The following FYCO1 variants were observed in gnomAD, a reference collection of about 807,000 sequenced individuals.
FYCO1 encodes the protein FYVE and coiled-coil domain autophagy adaptor 1.
FYCO1 carries 122 observed loss-of-function variants against 165.1 expected under a neutral mutation model. The ratio of observed to expected loss-of-function variants is 0.74; its 90% CI spans 0.64 to 0.86. The LOEUF (loss-of-function observed/expected upper bound fraction) is 0.86, where lower values mean the gene tolerates loss of function less well. Among genes scored for constraint, FYCO1 ranks in the 40% least tolerant of loss-of-function variants. The pLI is 0.00. For synonymous variants in FYCO1, 648 were observed against 742.5 expected, an observed-to-expected ratio of 0.87 and a Z score of 2.07; for missense variants, 1,702 against 1,810.3, an observed-to-expected ratio of 0.94 and a Z score of 1.09.
chr3:45,978,501 A>C (rs1270082352), intron 4 of FYCO1, among the ~76,000 whole-genome samples: 1 of 152,184 alleles, frequency 6.6e-6, no homozygotes, highest in Non-Finnish European at 1.5e-5. Flanking sequence ...TGATGTCAGC[A>C]TATCTAACAC....
Position 45,968,519 on chromosome 3 carries a change from TC to T in FYCO1, c.814del (p.Glu272SerfsTer24). ...ELRAAVSQQG[E>X]QLQTERERGR... ...CCTCTCCCTCTCTGTCTGCAGTTGCTCCCCTTGCTGGCTGACAGCTGCCCTC... is the reference window on the plus strand; with the variant it reads ...CCTCTCCCTCTCTGTCTGCAGTTGCTCCCTTGCTGGCTGACAGCTGCCCTC... On this transcript the variant is annotated frameshift_variant, in exon 8 of 18. Coordinates refer to ENST00000296137, the MANE Select transcript of FYCO1 (RefSeq NM_024513.4). LOFTEE classifies it high-confidence loss of function. 6.2e-7 allele frequency: 1 copy of T among 1,613,990 alleles called. No homozygotes were observed. Among genetic ancestry groups the T allele is most frequent in the Non-Finnish European group, 8.5e-7 (1 of 1,180,028 alleles).
At position 45,966,583 on chromosome 3, in the gene FYCO1, C is replaced by T; in HGVS notation, c.2751G>A (p.Val917=). 1 of 1,614,220 alleles carries T rather than the reference C, an allele frequency of 6.2e-7. No homozygotes were observed. The highest frequency in any genetic ancestry group is 8.5e-7 in the Non-Finnish European group (1 of 1,180,050). Residue 917 remains valine, a synonymous_variant, in exon 8 of 18, where the codon GTG becomes GTA. Transcript: ENST00000296137. ...ELGIQVCALT[V]EKERVEEALA... ...GTGCCTCCTCCACTCGCTCCTTTTC[C>T]ACGGTCAGTGCGCAAACCTGGATGC...
intron 16 of FYCO1, among the ~76,000 whole-genome samples, chr3:45,924,762 A>G (rs929837781): frequency 6.6e-6 from 1 of 151,564 alleles, no homozygotes; most frequent in East Asian, 1.9e-4. Flanking sequence ...ACAGGCACCC[A>G]CCACCATGCC....
At chr3:45,949,735 T>G (rs1704879889) in intron 14 of FYCO1, among the ~76,000 whole-genome samples, 1 of 152,170 alleles carries the variant, frequency 6.6e-6, no homozygotes, top group African/African-American at 2.4e-5. Flanking sequence ...GGGCTTTCCC[T>G]GACCAGGTGC....
In FYCO1 at chr3:45,919,207, C is replaced by T. The variant is rs1341052203; in HGVS notation, c.*2558G>A. On this transcript the variant is annotated 3_prime_UTR_variant, in exon 18 of 18. Coordinates refer to ENST00000296137, the MANE Select transcript of FYCO1 (RefSeq NM_024513.4). ...GCTATTTGCATTTCTTTAAAGTACC[C>T]CAGTCCTTAATTCTCAGTAAAGTTG... 1 of 152,128 alleles carries T rather than the reference C, an allele frequency of 6.6e-6. No homozygotes were observed. The highest frequency in any genetic ancestry group is 2.4e-5 in the African/African-American group (1 of 41,398). The allele number at this position is 152,128 out of a possible 1,614,324, so 9.4% of individuals were successfully genotyped here.
intron 14 of FYCO1, chr3:45,946,604 G>C: frequency 3.1e-6 from 5 of 1,614,214 alleles, no homozygotes; most frequent in Non-Finnish European, 3.4e-6. Context: ...ACCTGGTGGT[G>C]TTTGTCTGTG....
intron 16 of FYCO1, among the ~76,000 whole-genome samples, chr3:45,930,544 G>A (rs1324913461): frequency 1.3e-5 from 2 of 152,204 alleles, no homozygotes. Flanking sequence ...CAACAGTCCG[G>A]GCACTGTCAA....
chr3:45,931,220 A>G lies in FYCO1; in HGVS notation c.4102T>C (p.Phe1368Leu). 1 of 1,614,012 alleles carries G rather than the reference A, an allele frequency of 6.2e-7. No homozygotes were observed. The highest frequency in any genetic ancestry group is 8.5e-7 in the Non-Finnish European group (1 of 1,179,948). ...ASFGEGSREL[F>L]VRSSTYSLIP... ...AGGCTGTAGGTGCTGGACCTCACAA[A>G]CAGCTCCCTGCTACCCTCCCCGAAG... The change falls in exon 16 of 18, where the codon TTT (phenylalanine) becomes CTT (leucine). Residue 1368 changes from phenylalanine (F) to leucine (L), a missense_variant. Phe to Leu is a conservative substitution (Grantham distance 22). Coordinates refer to ENST00000296137, the MANE Select transcript of FYCO1 (RefSeq NM_024513.4).
At chr3:45,966,171 T>G in intron 8 of FYCO1, 106 bp downstream of exon 8, 1 of 1,201,366 alleles carries the variant, frequency 8.3e-7, no homozygotes, top group Non-Finnish European at 1.2e-6. Flanking sequence ...CCACAGTACA[T>G]TCTCCAGCCC....
At chr3:45,950,363 C>A (rs896506979) in intron 14 of FYCO1, among the ~76,000 whole-genome samples, 2 of 152,144 alleles carry the variant, frequency 1.3e-5, no homozygotes, top group Non-Finnish European at 2.9e-5. Context: ...ATGGCCACAT[C>A]ATCTGAGATG....
intron 16 of FYCO1, among the ~76,000 whole-genome samples, chr3:45,927,005 G>C (rs916732774): frequency 2.6e-5 from 4 of 151,864 alleles, no homozygotes; most frequent in Non-Finnish European, 5.9e-5. Context: ...AACAGCAGAA[G>C]GTACATCCTT....
intron 6 of FYCO1, among the ~76,000 whole-genome samples, chr3:45,970,883 CTA>C (rs149942772): frequency 0.089 from 13,439 of 151,274 alleles, 977 homozygotes; most frequent in South Asian, 0.34. Flanking sequence ...CAAAATAAAA[CTA>C]TATATATATA....
At chr3:45,946,547 G>C (rs1704619741) in intron 14 of FYCO1, 1 of 1,614,102 alleles carries the variant, frequency 6.2e-7, no homozygotes, top group Non-Finnish European at 8.5e-7. Flanking sequence ...GCCAGGAGGA[G>C]CATCAAGACT....
At chr3:45,955,059 C>A (rs1312710452) in intron 14 of FYCO1, among the ~76,000 whole-genome samples, 190 bp downstream of exon 14, 1 of 152,230 alleles carries the variant, frequency 6.6e-6, no homozygotes, top group Non-Finnish European at 1.5e-5. Flanking sequence ...CTCTCAGGAA[C>A]TCTCTGCAAG....
chr3:45,968,277 C>T lies in FYCO1; in HGVS notation c.1057G>A (p.Ala353Thr). The change falls in exon 8 of 18, where the codon GCC becomes ACC. Residue 353 changes from alanine to threonine, a missense_variant. Physicochemically the swap from Ala to Thr is moderately conservative, Grantham distance 58. Transcript: ENST00000296137. ...TTCTTGTCCAGTGAGTCCCGTGTGG[C>T]CTCAAGCTCCTGTGCCAAGGGCTGC... ...MLQPLAQELE[A>T]TRDSLDKKNQ... 1.2e-6 allele frequency: 2 copies of T among 1,613,958 alleles called. No homozygotes were observed. Among genetic ancestry groups the T allele is most frequent in the South Asian group, 1.1e-5 (1 of 91,084 alleles).
At chr3:45,969,983 C>T (rs967601552) in intron 6 of FYCO1, among the ~76,000 whole-genome samples, 4 of 152,150 alleles carry the variant, frequency 2.6e-5, no homozygotes, top group Non-Finnish European at 5.9e-5. Context: ...GGCTTTCCTC[C>T]CACTGCCAAA....
At chr3:45,983,523 G>A (rs1707155752) in intron 2 of FYCO1, among the ~76,000 whole-genome samples, 1 of 152,192 alleles carries the variant, frequency 6.6e-6, no homozygotes, top group Non-Finnish European at 1.5e-5. Context: ...TGGTACATAG[G>A]ATAGACAATG....
chr3:45,957,601 A>C (rs1468566617), intron 13 of FYCO1, among the ~76,000 whole-genome samples: 1 of 152,266 alleles, frequency 6.6e-6, no homozygotes, highest in African/African-American at 2.4e-5. Context: ...GATTTGAAGA[A>C]GATAAACTAA....
chr3:45,927,079 C>T (rs1052752372), intron 16 of FYCO1, among the ~76,000 whole-genome samples: 2 of 152,174 alleles, frequency 1.3e-5, no homozygotes, highest in South Asian at 2.1e-4. Context: ...GTCCAACCCG[C>T]GGCCCAGGAA....
Sources: gnomAD v4.1 joint callset for allele counts (sites outside exome capture counted in the v4.1 genomes callset) on GRCh38, gnomAD v4.1.1 for gene constraint, MANE v1.5 for transcripts, NCBI Gene and HGNC (gene_info 2026-07-23, HGNC 2026-07-21) for gene names.